Variants in BMP2K observed in about 807,000 individuals in gnomAD.
BMP2K encodes the protein BMP2 inducible kinase, also known as BMP-2-inducible protein kinase.
A neutral mutation model predicts 116.0 loss-of-function variants in BMP2K; 74 were observed. That is an observed-to-expected ratio of 0.64 (90% CI 0.53 to 0.77). BMP2K has a LOEUF of 0.77. BMP2K is among the 30% of genes least tolerant of loss of function. The probability of loss-of-function intolerance (pLI) is 0.00; values close to 1 mark genes in which losing one functional copy is unlikely to be tolerated. For synonymous variants in BMP2K, 486 were observed against 502.5 expected (o/e 0.97, Z 0.44); for missense variants, 1,365 against 1,403.6 (o/e 0.97, Z 0.44).
chr4:78,831,047 C>G (rs568115201), intron 2 of BMP2K, among the ~76,000 whole-genome samples: 1 of 152,312 alleles, frequency 6.6e-6, no homozygotes, highest in Non-Finnish European at 1.5e-5. Context: ...TCTCATTAAG[C>G]TTAACTATTT....
In BMP2K at chr4:78,910,874, A is replaced by G. The variant is rs781375010; in HGVS notation, c.2327A>G (p.Asp776Gly). The G allele has an allele frequency of 6.2e-7, 1 of 1,614,006 alleles. No homozygotes were observed. The highest frequency in any genetic ancestry group is 8.5e-7 in the Non-Finnish European group (1 of 1,179,886). Residue 776 changes from aspartate (D) to glycine (G), a missense_variant, in exon 16 of 16, where the codon GAT becomes GGT. Physicochemically the swap from Asp to Gly is moderately conservative, Grantham distance 94 (BLOSUM62 -1). This residue lies in a region of BMP2K where 596 missense variants were observed against 623.2 expected (regional missense o/e 0.96). Coordinates refer to ENST00000502613, the MANE Select transcript of BMP2K (RefSeq NM_198892.2). ...GAACAAGGAGATTTTAATGATGATG[A>G]TACTGAACCAGAAAATCTGGGTCAT... ...QGEQGDFNDD[D>G]TEPENLGHRP...
chr4:78,809,541 C>A (rs985621730), intron 1 of BMP2K, among the ~76,000 whole-genome samples: 1 of 151,996 alleles, frequency 6.6e-6, no homozygotes. Flanking sequence ...CCACACCTGG[C>A]TAATTATTTT....
chr4:78,849,376 C>T (rs772932065), intron 6 of BMP2K, among the ~76,000 whole-genome samples: 4 of 151,492 alleles, frequency 2.6e-5, no homozygotes, highest in Non-Finnish European at 5.9e-5. Context: ...ATTGTGTTCA[C>T]ACTTTACAAA....
At chr4:78,896,540 G>A (rs1240115100) in intron 15 of BMP2K, among the ~76,000 whole-genome samples, 1 of 152,074 alleles carries the variant, frequency 6.6e-6, no homozygotes, top group Non-Finnish European at 1.5e-5. Context: ...AAATATATGT[G>A]AAGCACAAAA....
At chr4:78,792,864 A>G (rs2109936974) in intron 1 of BMP2K, among the ~76,000 whole-genome samples, 1 of 152,356 alleles carries the variant, frequency 6.6e-6, no homozygotes, top group African/African-American at 2.4e-5. Context: ...GCAAAGAAGA[A>G]TAGGCTATTC....
At chr4:78,779,788 A>T (rs1357390923) in intron 1 of BMP2K, among the ~76,000 whole-genome samples, 1 of 152,220 alleles carries the variant, frequency 6.6e-6, no homozygotes, top group Admixed American at 6.5e-5. Context: ...TTTCTCTCTG[A>T]AACATTATAT....
chr4:78,845,897 A>G (rs1475294491), intron 5 of BMP2K, among the ~76,000 whole-genome samples: 3 of 151,696 alleles, frequency 2.0e-5, no homozygotes, highest in Non-Finnish European at 4.4e-5. Flanking sequence ...TCTACGCTAC[A>G]TACTACTACT....
intron 3 of BMP2K, among the ~76,000 whole-genome samples, chr4:78,834,485 TCTC>T (rs1422081810): frequency 6.6e-6 from 1 of 152,048 alleles, no homozygotes; most frequent in Non-Finnish European, 1.5e-5. Flanking sequence ...ATGGTCTCGA[TCTC>T]CTGACCTCGT....
At chr4:78,779,118 C>A (rs1254071829) in intron 1 of BMP2K, among the ~76,000 whole-genome samples, 1 of 152,144 alleles carries the variant, frequency 6.6e-6, no homozygotes, top group Non-Finnish European at 1.5e-5. Context: ...AGTTATGTTG[C>A]AAAAAGTCAC....
intron 1 of BMP2K, among the ~76,000 whole-genome samples, chr4:78,807,716 A>G (rs144204131): frequency 2.2e-3 from 326 of 151,002 alleles, no homozygotes; most frequent in African/African-American, 7.5e-3. Context: ...AAAATTATTA[A>G]CCCTATAATT....
chr4:78,804,898 T>C (rs1728744126), intron 1 of BMP2K, among the ~76,000 whole-genome samples: 1 of 152,072 alleles, frequency 6.6e-6, no homozygotes, highest in Non-Finnish European at 1.5e-5. Context: ...CTTGATAGTG[T>C]CTTCAAAAAT....
chr4:78,838,149 G>T (rs1158836681), intron 3 of BMP2K, among the ~76,000 whole-genome samples: 2 of 152,186 alleles, frequency 1.3e-5, no homozygotes, highest in Admixed American at 6.5e-5. Flanking sequence ...GACAGAGAGG[G>T]TTTGTGCAGG....
At chr4:78,886,463 A>G (rs182827974) in intron 14 of BMP2K, among the ~76,000 whole-genome samples, 1 of 152,162 alleles carries the variant, frequency 6.6e-6, no homozygotes. Context: ...ATTGCCTATT[A>G]TTTGTTTTTT....
At chr4:78,805,543 A>G (rs1728774165) in intron 1 of BMP2K, among the ~76,000 whole-genome samples, 1 of 152,112 alleles carries the variant, frequency 6.6e-6, no homozygotes, top group Non-Finnish European at 1.5e-5. Context: ...ATTTCTTTCA[A>G]TGATGTTTTA....
chr4:78,813,635 A>T (rs1283503347), intron 1 of BMP2K, among the ~76,000 whole-genome samples: 1 of 152,010 alleles, frequency 6.6e-6, no homozygotes, highest in African/African-American at 2.4e-5. Flanking sequence ...CTTTACCTGG[A>T]ATGTACTTGC....
At chr4:78,805,228 T>C (rs945870786) in intron 1 of BMP2K, among the ~76,000 whole-genome samples, 1 of 152,226 alleles carries the variant, frequency 6.6e-6, no homozygotes. Flanking sequence ...CATAAAAGTA[T>C]GGGTGAATTT....
chr4:78,845,670 T>C (rs1730965133), intron 5 of BMP2K, among the ~76,000 whole-genome samples: 2 of 151,688 alleles, frequency 1.3e-5, no homozygotes, highest in South Asian at 2.1e-4. Flanking sequence ...TATTTGTAAA[T>C]TTTAGGTTAT....
rs776646655 is a variant in BMP2K at position 78,776,691 on chromosome 4, C to G, written c.148C>G (p.Gln50Glu). The G allele has an allele frequency of 1.1e-4, 139 of 1,257,830 alleles. No individual in the cohort carries two copies. Among genetic ancestry groups the G allele is most frequent in the Admixed American group, 5.2e-4 (13 of 25,080 alleles). 77.9% of individuals were successfully genotyped at this position (1,257,830 alleles called of 1,614,324 possible). Residue 50 changes from glutamine (Q) to glutamate (E), a missense_variant, in exon 1 of 16, where the codon CAG (glutamine) becomes GAG (glutamate). Transcript: ENST00000502613. ...GVRVFAVGRH[Q>E]VTLEESLAEG... ...CCGGGTGTTCGCGGTCGGCCGCCAC[C>G]AGGTCACCCTGGAAGAGTCGCTGGC...
At chr4:78,903,999 A>C (rs1050147949) in intron 15 of BMP2K, among the ~76,000 whole-genome samples, 5 of 151,990 alleles carry the variant, frequency 3.3e-5, no homozygotes, top group African/African-American at 2.4e-5. Context: ...TTTCTTACGT[A>C]TAAAAAGATG....
Sources: gnomAD v4.1 joint callset for allele counts (sites outside exome capture counted in the v4.1 genomes callset) on GRCh38, gnomAD v4.1.1 for gene constraint, gnomAD v4.1.1 regional missense constraint, MANE v1.5 for transcripts, NCBI Gene and HGNC (gene_info 2026-07-23, HGNC 2026-07-21) for gene names.